IGSF21: variants seen among roughly 807,000 people sequenced by gnomAD.
IGSF21 encodes immunoglobin superfamily member 21, also known as immunoglobulin superfamily member 21.
A neutral mutation model predicts 46.8 loss-of-function variants in IGSF21; 28 were observed. The observed-to-expected ratio is 0.60, with a 90% CI of 0.44 to 0.82. The LOEUF (loss-of-function observed/expected upper bound fraction) is 0.82, where lower values mean the gene tolerates loss of function less well. Ranked by LOEUF, IGSF21 falls within the 40% of genes least tolerant of loss-of-function variation. The pLI, the probability that IGSF21 is intolerant of heterozygous loss-of-function variation, is 0.00. For synonymous variants in IGSF21, 284 were observed against 273.6 expected (o/e 1.04, Z -0.38); for missense variants, 624 against 665.5 (o/e 0.94, Z 0.69).
At chr1:18,359,383 AAAGG>A (rs1202935647) in intron 4 of IGSF21, among the ~76,000 whole-genome samples, 1,828 of 60,688 alleles carry the variant, frequency 0.03, 80 homozygotes, top group Middle Eastern at 0.048. Flanking sequence ...AGAAAGAAAG[AAAGG>A]AAGGAAGGAA....
At chr1:18,307,914 G>A (rs1333996696) in intron 3 of IGSF21, among the ~76,000 whole-genome samples, 1 of 152,210 alleles carries the variant, frequency 6.6e-6, no homozygotes, top group Non-Finnish European at 1.5e-5. Flanking sequence ...CTGTGCTTCA[G>A]AACTTACATG....
At chr1:18,346,699 G>A (rs2085896823) in intron 4 of IGSF21, among the ~76,000 whole-genome samples, 1 of 152,152 alleles carries the variant, frequency 6.6e-6, no homozygotes, top group African/African-American at 2.4e-5. Flanking sequence ...GGGGTGGAGA[G>A]GCCAGGGCCT....
chr1:18,226,084 T>C lies in IGSF21; in HGVS notation c.71-1814T>C, dbSNP rs567543641. ...AAGCAGGTGTGCACATGTGAGCCAG[T>C]ATCACAATGTTACACTCAGGCTTGG... On this transcript the variant is annotated intron_variant, in intron 1 of 9. Coordinates refer to ENST00000251296, the MANE Select transcript of IGSF21 (RefSeq NM_032880.5). Among the ~76,000 whole-genome samples the C allele has an allele frequency of 2.4e-4, 36 of 152,254 alleles. 1 individual carries two copies. Among genetic ancestry groups the C allele is most frequent in the Non-Finnish European group, 1.3e-4 (9 of 68,054 alleles).
intron 2 of IGSF21, among the ~76,000 whole-genome samples, chr1:18,259,538 TC>T (rs2084921347): frequency 6.6e-6 from 1 of 152,216 alleles, no homozygotes; most frequent in African/African-American, 2.4e-5. Flanking sequence ...CAAATGCCTT[TC>T]CTCCATTCTT....
chr1:18,320,132 G>T (rs926523826), intron 3 of IGSF21, among the ~76,000 whole-genome samples: 1 of 152,132 alleles, frequency 6.6e-6, no homozygotes, highest in Non-Finnish European at 1.5e-5. Flanking sequence ...ATCTCCCCAT[G>T]GCACTGAGCC....
At chr1:18,150,202 A>G (rs1337747716) in intron 1 of IGSF21, among the ~76,000 whole-genome samples, 2 of 152,168 alleles carry the variant, frequency 1.3e-5, no homozygotes, top group Non-Finnish European at 2.9e-5. Flanking sequence ...GCAGTGAGCT[A>G]TGATCATGCC....
chr1:18,307,388 C>A (rs1236148898), intron 3 of IGSF21, among the ~76,000 whole-genome samples: 1 of 152,222 alleles, frequency 6.6e-6, no homozygotes, highest in African/African-American at 2.4e-5. Flanking sequence ...AAGTTCCTAG[C>A]ATATGCCCTG....
At chr1:18,371,320 T>G (rs759304130) in intron 6 of IGSF21, among the ~76,000 whole-genome samples, 10 of 152,170 alleles carry the variant, frequency 6.6e-5, no homozygotes, top group Non-Finnish European at 1.5e-4. Flanking sequence ...ACTTGCAATC[T>G]CAGAACTTTG....
At chr1:18,342,007 A>C (rs11260984) in intron 4 of IGSF21, among the ~76,000 whole-genome samples, 70,550 of 150,918 alleles carry the variant, frequency 0.47, 17,836 homozygotes, top group Non-Finnish European at 0.57. Flanking sequence ...GTCTTTTTTC[A>C]GTATGTTCTA....
intron 1 of IGSF21, among the ~76,000 whole-genome samples, chr1:18,213,332 A>C (rs1282679591): frequency 1.3e-5 from 2 of 152,202 alleles, no homozygotes; most frequent in African/African-American, 4.8e-5. Flanking sequence ...TCAGCAGCTT[A>C]ACACAGTGGT....
intron 1 of IGSF21, chr1:18,110,617 G>A (rs1200534034): frequency 1.3e-5 from 2 of 152,388 alleles, no homozygotes; most frequent in Non-Finnish European, 2.9e-5. Context: ...GTCGGGTCTG[G>A]CAGGAGGAAG....
intron 3 of IGSF21, among the ~76,000 whole-genome samples, chr1:18,312,511 G>C (rs762432654): frequency 4.6e-5 from 7 of 152,212 alleles, no homozygotes; most frequent in Non-Finnish European, 8.8e-5. Flanking sequence ...TGTTGATCGG[G>C]CTGTGCTTCT....
intron 2 of IGSF21, among the ~76,000 whole-genome samples, chr1:18,240,717 A>G (rs1248242524): frequency 6.6e-6 from 1 of 152,200 alleles, no homozygotes; most frequent in African/African-American, 2.4e-5. Flanking sequence ...GAGCTTTTCA[A>G]CCATGGATGG....
At chr1:18,350,226 C>A (rs766676732) in intron 4 of IGSF21, among the ~76,000 whole-genome samples, 4 of 152,190 alleles carry the variant, frequency 2.6e-5, no homozygotes, top group Non-Finnish European at 5.9e-5. Context: ...GGCCAGGATG[C>A]CTCAAGAGCC....
chr1:18,239,316 C>T (rs1470801405), intron 2 of IGSF21, among the ~76,000 whole-genome samples: 5 of 151,810 alleles, frequency 3.3e-5, no homozygotes, highest in South Asian at 2.1e-4. Flanking sequence ...CCTCCTAAAT[C>T]CTTTCTCCCC....
chr1:18,126,704 A>C (rs1201851000), intron 1 of IGSF21, among the ~76,000 whole-genome samples: 9 of 152,208 alleles, frequency 5.9e-5, no homozygotes, highest in Non-Finnish European at 1.0e-4. Context: ...CCCTGAATTA[A>C]ACGAAATATT....
chr1:18,340,320 T>C (rs982260425), intron 4 of IGSF21, among the ~76,000 whole-genome samples: 1 of 151,600 alleles, frequency 6.6e-6, no homozygotes, highest in Non-Finnish European at 1.5e-5. Flanking sequence ...GGGATGTCAG[T>C]GGGTGGTAAA....
chr1:18,318,390 C>G (rs542060379), intron 3 of IGSF21, among the ~76,000 whole-genome samples: 6 of 152,272 alleles, frequency 3.9e-5, no homozygotes, highest in Admixed American at 6.5e-5. Context: ...TTAAAATGTA[C>G]CAGCTTGCTG....
chr1:18,303,373 G>A (rs1464550551), intron 3 of IGSF21, among the ~76,000 whole-genome samples: 1 of 152,148 alleles, frequency 6.6e-6, no homozygotes, highest in African/African-American at 2.4e-5. Context: ...CCCCGTTAAG[G>A]CAGAATTTTC....
Sources: allele counts gnomAD v4.1 joint callset (sites outside exome capture counted in the v4.1 genomes callset), GRCh38; gene constraint gnomAD v4.1.1; transcripts MANE v1.5; gene names NCBI Gene and HGNC (gene_info 2026-07-23, HGNC 2026-07-21).